The following ESRRB variants were observed in gnomAD, a reference collection of about 807,000 sequenced individuals.
ESRRB encodes the protein estrogen related receptor beta.
In ESRRB, 16 loss-of-function variants were observed where a neutral mutation model predicts 46.0. That is an observed-to-expected ratio of 0.35 (90% CI 0.24 to 0.53). The LOEUF is 0.53. Among genes scored for constraint, ESRRB ranks in the 20% least tolerant of loss-of-function variants. ESRRB has a pLI of 0.93. For missense variants in ESRRB, 488 were observed against 607.4 expected, an observed-to-expected ratio of 0.80 and a Z score of 2.07; for synonymous variants, 246 against 259.6, an observed-to-expected ratio of 0.95 and a Z score of 0.50.
intron 3 of ESRRB, among the ~76,000 whole-genome samples, chr14:76,479,092 C>T (rs1889698792): frequency 6.6e-6 from 1 of 152,144 alleles, no homozygotes. Flanking sequence ...CCTCTGTGGC[C>T]AGGCCTGAGA....
At chr14:76,358,110 G>A (rs35661736) in intron 1 of ESRRB, among the ~76,000 whole-genome samples, 29,762 of 151,680 alleles carry the variant, frequency 0.2, 3,647 homozygotes, top group Non-Finnish European at 0.28. Flanking sequence ...TCAGGAGTTC[G>A]AGACCAGCCT....
At chr14:76,484,385 A>G (rs1470596756) in intron 5 of ESRRB, among the ~76,000 whole-genome samples, 1 of 152,104 alleles carries the variant, frequency 6.6e-6, no homozygotes, top group African/African-American at 2.4e-5. Flanking sequence ...CACACTCAGT[A>G]GTTTTTGAAT....
upstream of ESRRB, among the ~76,000 whole-genome samples, chr14:76,373,927 C>T (rs1360514379): frequency 2.3e-4 from 35 of 152,236 alleles, no homozygotes; most frequent in Non-Finnish European, 5.9e-5. Flanking sequence ...GAATCCATTG[C>T]TCTGGGCTGT....
intron 1 of ESRRB, among the ~76,000 whole-genome samples, chr14:76,338,404 G>A (rs185799612): frequency 3.3e-5 from 5 of 152,298 alleles, no homozygotes; most frequent in African/African-American, 1.2e-4. Context: ...CCAGCCAGGA[G>A]AGCCGGGTGA....
At chr14:76,496,714 G>A (rs1164626981) in intron 6 of ESRRB, among the ~76,000 whole-genome samples, 1 of 152,208 alleles carries the variant, frequency 6.6e-6, no homozygotes, top group Non-Finnish European at 1.5e-5. Context: ...GCGACCATGG[G>A]TGCCACTGCT....
chr14:76,321,754 A>C (rs903531471), intron 1 of ESRRB, among the ~76,000 whole-genome samples: 1 of 152,148 alleles, frequency 6.6e-6, no homozygotes, highest in East Asian at 1.9e-4. Context: ...AACAACTGAA[A>C]GATGGTATTA....
At chr14:76,429,858 T>C (rs969789388) in intron 1 of ESRRB, among the ~76,000 whole-genome samples, 17 of 152,174 alleles carry the variant, frequency 1.1e-4, no homozygotes, top group African/African-American at 4.1e-4. Context: ...TATGTGTGTG[T>C]GTGTGTGTGT....
chr14:76,370,169 C>T (rs1024164028), upstream of ESRRB, among the ~76,000 whole-genome samples: 35 of 151,418 alleles, frequency 2.3e-4, no homozygotes, highest in Non-Finnish European at 4.3e-4. Context: ...GGATGGATTA[C>T]CTGAGGTCAG....
intron 2 of ESRRB, among the ~76,000 whole-genome samples, chr14:76,445,482 A>AGAAAG (rs1296548192): frequency 1.7e-5 from 2 of 120,074 alleles, no homozygotes; most frequent in African/African-American, 8.7e-5. Context: ...AAAAAAAAAA[A>AGAAAG]AAAGAAAGAA....
intron 1 of ESRRB, among the ~76,000 whole-genome samples, chr14:76,353,642 T>G (rs1337087004): frequency 6.6e-6 from 1 of 152,158 alleles, no homozygotes; most frequent in Non-Finnish European, 1.5e-5. Flanking sequence ...GAGCGATTAG[T>G]GACTTGTCCA....
At chr14:76,315,561 T>C (rs558554902) in intron 1 of ESRRB, among the ~76,000 whole-genome samples, 134 of 152,314 alleles carry the variant, frequency 8.8e-4, no homozygotes, top group African/African-American at 3.1e-3. Flanking sequence ...ATCAACCTCA[T>C]AGGGTTGTTG....
chr14:76,456,130 T>C (rs1888602220), intron 2 of ESRRB, among the ~76,000 whole-genome samples: 1 of 152,074 alleles, frequency 6.6e-6, no homozygotes, highest in South Asian at 2.1e-4. Flanking sequence ...CCATTGCTGC[T>C]TTGTCTTGTA....
At chr14:76,335,357 G>C (rs1884113923) in intron 1 of ESRRB, among the ~76,000 whole-genome samples, 1 of 152,210 alleles carries the variant, frequency 6.6e-6, no homozygotes, top group Non-Finnish European at 1.5e-5. Context: ...GGCTGGCTCA[G>C]TCTGGTGGGG....
intron 3 of ESRRB, among the ~76,000 whole-genome samples, chr14:76,465,177 A>T (rs193118407): frequency 1.8e-4 from 27 of 152,240 alleles, no homozygotes; most frequent in African/African-American, 5.8e-4. Context: ...CTGGGGTGAG[A>T]TGACTCCTAC....
At chr14:76,399,878 T>C (rs1234095523) in intron 1 of ESRRB, among the ~76,000 whole-genome samples, 1 of 152,092 alleles carries the variant, frequency 6.6e-6, no homozygotes, top group Non-Finnish European at 1.5e-5. Flanking sequence ...GATGCTGCCG[T>C]TTCAAGGAGC....
intron 1 of ESRRB, among the ~76,000 whole-genome samples, chr14:76,415,603 T>C (rs1886663090): frequency 6.6e-6 from 1 of 152,168 alleles, no homozygotes; most frequent in Non-Finnish European, 1.5e-5. Context: ...GAGTTTACAG[T>C]GAGCTGAGAT....
At chr14:76,464,637 A>G (rs147068321) in intron 3 of ESRRB, among the ~76,000 whole-genome samples, 1 of 152,304 alleles carries the variant, frequency 6.6e-6, no homozygotes, top group African/African-American at 2.4e-5. Flanking sequence ...CTCAACCGAA[A>G]AAACAGTCTC....
intron 1 of ESRRB, among the ~76,000 whole-genome samples, chr14:76,435,838 A>AAAAAC (rs1421996387): frequency 8.5e-5 from 13 of 152,182 alleles, no homozygotes; most frequent in Non-Finnish European, 1.8e-4. Flanking sequence ...CTCAAAAACA[A>AAAAAC]AAAACAAAAC....
At chr14:76,450,595 C>T (rs1888344571) in intron 2 of ESRRB, among the ~76,000 whole-genome samples, 1 of 152,122 alleles carries the variant, frequency 6.6e-6, no homozygotes, top group Non-Finnish European at 1.5e-5. Context: ...ACAGTGCTTC[C>T]TCCATTCACC....
Sources: allele counts gnomAD v4.1 joint callset (sites outside exome capture counted in the v4.1 genomes callset), GRCh38; gene constraint gnomAD v4.1.1; transcripts MANE v1.5; gene names NCBI Gene and HGNC (gene_info 2026-07-23, HGNC 2026-07-21).